OXR1: variants seen among roughly 807,000 people sequenced by gnomAD.
The protein encoded by OXR1 is oxidation resistance protein 1.
Under a neutral mutation model 104.6 loss-of-function variants are expected in OXR1, and 41 were observed. The ratio of observed to expected loss-of-function variants is 0.39; its 90% CI spans 0.31 to 0.51. The LOEUF is 0.51. Among genes scored for constraint, OXR1 ranks in the 20% least tolerant of loss-of-function variants. The pLI, the probability that OXR1 is intolerant of heterozygous loss-of-function variation, is 0.77. For synonymous variants in OXR1, 348 were observed against 348.4 expected, an observed-to-expected ratio of 1.00 and a Z score of 0.01; for missense variants, 955 against 1,031.9, an observed-to-expected ratio of 0.93 and a Z score of 1.02.
intron 2 of OXR1, among the ~76,000 whole-genome samples, chr8:106,410,987 G>A (rs1008160739): frequency 6.6e-6 from 1 of 152,036 alleles, no homozygotes; most frequent in Non-Finnish European, 1.5e-5. Context: ...TAGGTACCTG[G>A]TACTATGCTA....
intron 1 of OXR1, among the ~76,000 whole-genome samples, chr8:106,315,252 C>T (rs1216117472): frequency 6.6e-6 from 1 of 151,986 alleles, no homozygotes; most frequent in Non-Finnish European, 1.5e-5. Flanking sequence ...GTATGTATTT[C>T]AAAGGATTGT....
intron 2 of OXR1, among the ~76,000 whole-genome samples, chr8:106,496,546 C>G (rs956887736): frequency 6.6e-6 from 1 of 152,160 alleles, no homozygotes; most frequent in Non-Finnish European, 1.5e-5. Context: ...ATTACTAGTA[C>G]TATACCAGGA....
At chr8:106,274,328 A>T (rs956280168) in intron 1 of OXR1, among the ~76,000 whole-genome samples, 3 of 152,176 alleles carry the variant, frequency 2.0e-5, no homozygotes, top group African/African-American at 7.2e-5. Context: ...CAGAGCACTT[A>T]TTAGGTAAAA....
chr8:106,335,628 A>T (rs1417278720), intron 1 of OXR1, among the ~76,000 whole-genome samples: 4 of 152,050 alleles, frequency 2.6e-5, no homozygotes, highest in East Asian at 1.9e-4. Flanking sequence ...AAGAAAAAAT[A>T]AAAAAAATTT....
intron 2 of OXR1, among the ~76,000 whole-genome samples, chr8:106,504,196 A>G (rs534688695): frequency 6.6e-6 from 1 of 152,296 alleles, no homozygotes; most frequent in East Asian, 1.9e-4. Flanking sequence ...AGGAATTATG[A>G]GGTTCAGGTT....
rs1816421181 is a variant in OXR1 at position 106,365,284 on chromosome 8, C to T, written c.23+5648C>T. On this transcript the variant is annotated intron_variant, in intron 2 of 16. Transcript: ENST00000517566. ...TGTTGAATGAATGACTGTTTCATTA[C>T]GGTACTGAGAAGAGAGTGGGTTTGA... Among the ~76,000 whole-genome samples, 4 of 151,528 alleles carry T rather than the reference C, an allele frequency of 2.6e-5. 1 individual carries two copies. In the South Asian group the frequency reaches 6.3e-4, roughly 24 times the overall value.
intron 1 of OXR1, among the ~76,000 whole-genome samples, chr8:106,355,265 A>G (rs1020364023): frequency 6.6e-6 from 1 of 152,202 alleles, no homozygotes; most frequent in Admixed American, 6.5e-5. Flanking sequence ...ATGAATTCAT[A>G]TGTAAGTGTG....
At chr8:106,520,255 C>T (rs969226110) in intron 3 of OXR1, among the ~76,000 whole-genome samples, 2 of 106,984 alleles carry the variant, frequency 1.9e-5, no homozygotes, top group African/African-American at 9.2e-5. Context: ...CATCAGGAGA[C>T]CAGATTTCTA....
intron 3 of OXR1, among the ~76,000 whole-genome samples, chr8:106,545,415 G>A (rs142475520): frequency 4.6e-5 from 7 of 152,238 alleles, no homozygotes; most frequent in Non-Finnish European, 7.4e-5. Context: ...TTAGAAGTCC[G>A]TTTTATACTG....
intron 3 of OXR1, among the ~76,000 whole-genome samples, chr8:106,618,405 A>G (rs1821417983): frequency 6.6e-6 from 1 of 152,184 alleles, no homozygotes; most frequent in African/African-American, 2.4e-5. Context: ...ACTGAATCTA[A>G]ATAGAATATC....
At position 106,443,584 on chromosome 8, in the gene OXR1, G is replaced by C. The variant is rs2130594785; in HGVS notation, c.24-75359G>C. Among the ~76,000 whole-genome samples, 4 of 152,210 alleles carry C rather than the reference G, an allele frequency of 2.6e-5. No homozygotes were observed. The South Asian group carries it at 8.3e-4, about 32-fold the overall frequency. ...CTCTAAGAACTTGTTTTATAAATCT[G>C]GGTGTTCCTGTACTGGGTGCATATA... On this transcript the variant is annotated intron_variant, in intron 2 of 16. Transcript: ENST00000517566.
intron 11 of OXR1, among the ~76,000 whole-genome samples, chr8:106,727,893 A>G (rs1833503348): frequency 6.6e-6 from 1 of 152,190 alleles, no homozygotes; most frequent in Non-Finnish European, 1.5e-5. Flanking sequence ...CATTTTGAAG[A>G]CTAGTTGAAG....
chr8:106,576,466 CAAAAAA>C (rs55917847), intron 3 of OXR1, among the ~76,000 whole-genome samples: 26 of 112,462 alleles, frequency 2.3e-4, no homozygotes, highest in South Asian at 5.6e-4. Flanking sequence ...CACAGTTATT[CAAAAAA>C]AAAAAAAAAA....
At position 106,297,574 on chromosome 8, in the gene OXR1, A is replaced by C. The variant is rs150116685; in HGVS notation, c.-139+27207A>C. On this transcript the variant is annotated intron_variant, in intron 1 of 16. Transcript: ENST00000517566. ...GTAACACAATGGTAAGTATTTGTGT[A>C]TCTAAATATTGCTAAACATAGAAAA... Among the ~76,000 whole-genome samples the C allele has an allele frequency of 3.4e-3, 517 of 152,298 alleles. 4 individuals are homozygous for C. The highest frequency in any genetic ancestry group is 0.011 in the African/African-American group (461 of 41,560).
chr8:106,563,089 A>G (rs543121176), intron 3 of OXR1, among the ~76,000 whole-genome samples: 16 of 152,272 alleles, frequency 1.1e-4, no homozygotes, highest in African/African-American at 3.6e-4. Flanking sequence ...CCAGCTAGCC[A>G]CATAATGACA....
intron 3 of OXR1, among the ~76,000 whole-genome samples, chr8:106,573,582 G>C (rs917133057): frequency 3.9e-5 from 6 of 152,172 alleles, no homozygotes; most frequent in Admixed American, 2.6e-4. Flanking sequence ...AGACTAGATT[G>C]CTAATATATC....
intron 1 of OXR1, among the ~76,000 whole-genome samples, chr8:106,342,292 C>T (rs1815287229): frequency 6.6e-6 from 1 of 150,410 alleles, no homozygotes; most frequent in Non-Finnish European, 1.5e-5. Context: ...ACTCTGTTGC[C>T]CAGGCTGGAG....
chr8:106,744,121 G>A (rs1405601015), intron 15 of OXR1, among the ~76,000 whole-genome samples: 5 of 152,130 alleles, frequency 3.3e-5, no homozygotes, highest in African/African-American at 1.2e-4. Context: ...CTAGTTGATC[G>A]GATGATCTGT....
At chr8:106,677,657 T>C (rs891109872) in intron 3 of OXR1, among the ~76,000 whole-genome samples, 1 of 152,152 alleles carries the variant, frequency 6.6e-6, no homozygotes, top group Non-Finnish European at 1.5e-5. Context: ...TGTCTGATTA[T>C]ATCTTTTGTG....
Sources: gnomAD v4.1 joint callset for allele counts (sites outside exome capture counted in the v4.1 genomes callset) on GRCh38, gnomAD v4.1.1 for gene constraint, MANE v1.5 for transcripts, NCBI Gene and HGNC (gene_info 2026-07-23, HGNC 2026-07-21) for gene names.